SYT1: variants seen among roughly 807,000 people sequenced by gnomAD.
SYT1 encodes the protein synaptotagmin-1.
SYT1 carries 8 observed loss-of-function variants against 44.8 expected under a neutral mutation model. The ratio of observed to expected loss-of-function variants is 0.18; its 90% CI spans 0.10 to 0.32. The LOEUF is 0.32. Ranked by LOEUF, SYT1 falls within the 10% of genes least tolerant of loss-of-function variation. The pLI is 1.00. For missense variants in SYT1, 286 were observed against 509.3 expected (o/e 0.56, Z 4.22); for synonymous variants, 154 against 188.8 (o/e 0.82, Z 1.51).
chr12:79,410,322 A>G (rs1358244), intron 9 of SYT1, among the ~76,000 whole-genome samples: 20,639 of 151,922 alleles, frequency 0.14, 1,809 homozygotes, highest in Middle Eastern at 0.34. Context: ...TTGGAGTTCA[A>G]TACAGTTTTT....
intron 1 of SYT1, among the ~76,000 whole-genome samples, chr12:78,958,118 G>T (rs1468311697): frequency 6.6e-6 from 1 of 152,030 alleles, no homozygotes; most frequent in East Asian, 1.9e-4. Flanking sequence ...ATAAGATAAA[G>T]ATTTATCTCC....
chr12:79,344,590 C>T (rs1882524698), intron 8 of SYT1, among the ~76,000 whole-genome samples: 3 of 152,014 alleles, frequency 2.0e-5, no homozygotes, highest in South Asian at 4.2e-4. Context: ...GTAGCTGGGG[C>T]TATAGGCACG....
chr12:78,877,755 A>G (rs1055102552), intron 1 of SYT1, among the ~76,000 whole-genome samples: 10 of 151,674 alleles, frequency 6.6e-5, no homozygotes, highest in African/African-American at 2.4e-4. Context: ...CAGCTACCTG[A>G]GTAACTGAGA....
intron 3 of SYT1, among the ~76,000 whole-genome samples, chr12:79,101,031 A>T (rs1878416059): frequency 6.6e-6 from 1 of 152,150 alleles, no homozygotes; most frequent in Non-Finnish European, 1.5e-5. Flanking sequence ...TAATGAAATA[A>T]ATAAGATTAT....
At chr12:79,098,393 C>CA (rs1301170071) in intron 3 of SYT1, among the ~76,000 whole-genome samples, 2 of 151,928 alleles carry the variant, frequency 1.3e-5, no homozygotes, top group Non-Finnish European at 2.9e-5. Context: ...TGAAAAATCT[C>CA]AAAGTATTAG....
At chr12:79,192,179 G>A (rs1312690945) in intron 3 of SYT1, among the ~76,000 whole-genome samples, 3 of 152,142 alleles carry the variant, frequency 2.0e-5, no homozygotes, top group African/African-American at 7.2e-5. Flanking sequence ...GCAAGGACTA[G>A]GAGTGAGAAG....
At chr12:79,071,183 G>C (rs1242905750) in intron 3 of SYT1, among the ~76,000 whole-genome samples, 1 of 152,136 alleles carries the variant, frequency 6.6e-6, no homozygotes, top group African/African-American at 2.4e-5. Context: ...GTGTGTTTGA[G>C]AGCAACAGAT....
At chr12:79,081,289 C>G (rs568768428) in intron 3 of SYT1, among the ~76,000 whole-genome samples, 1 of 152,032 alleles carries the variant, frequency 6.6e-6, no homozygotes, top group South Asian at 2.1e-4. Flanking sequence ...TTTTAACGCT[C>G]ATGTATAAAA....
intron 5 of SYT1, chr12:79,291,704 T>C: frequency 2.1e-6 from 1 of 475,316 alleles, no homozygotes; most frequent in Non-Finnish European, 4.1e-6. Flanking sequence ...AGCAGTTTTA[T>C]CAGAGCCAAA....
intron 4 of SYT1, among the ~76,000 whole-genome samples, chr12:79,281,922 G>C (rs1278577755): frequency 6.6e-6 from 1 of 152,136 alleles, no homozygotes; most frequent in African/African-American, 2.4e-5. Flanking sequence ...CGTCAGCAGG[G>C]CCAATTCTCT....
chr12:78,957,594 G>C (rs1592604002), intron 1 of SYT1, among the ~76,000 whole-genome samples: 1 of 152,146 alleles, frequency 6.6e-6, no homozygotes, highest in Non-Finnish European at 1.5e-5. Flanking sequence ...GGAGAGTAGA[G>C]CCAAGGTTGG....
chr12:79,194,225 G>A (rs913001588), intron 3 of SYT1, among the ~76,000 whole-genome samples: 9 of 152,064 alleles, frequency 5.9e-5, no homozygotes, highest in African/African-American at 2.2e-4. Flanking sequence ...TTGGTTTGAA[G>A]TCTAAATGAA....
At chr12:79,346,305 T>C (rs1440431662) in intron 8 of SYT1, among the ~76,000 whole-genome samples, 1 of 152,208 alleles carries the variant, frequency 6.6e-6, no homozygotes, top group Non-Finnish European at 1.5e-5. Context: ...TTTGTGTCTA[T>C]TCAATGGCTG....
chr12:79,260,586 C>A (rs1290505496), intron 4 of SYT1, among the ~76,000 whole-genome samples: 3 of 152,094 alleles, frequency 2.0e-5, no homozygotes, highest in African/African-American at 7.2e-5. Flanking sequence ...TGATAGGAAG[C>A]AGTGAGGGTC....
chr12:79,068,449 A>C (rs1876028074), intron 3 of SYT1, among the ~76,000 whole-genome samples: 1 of 152,130 alleles, frequency 6.6e-6, no homozygotes, highest in African/African-American at 2.4e-5. Context: ...ACGTTGAAAA[A>C]ATACTCTGGG....
chr12:79,172,700 TTA>T (rs1181979571), intron 3 of SYT1, among the ~76,000 whole-genome samples: 1 of 151,630 alleles, frequency 6.6e-6, no homozygotes, highest in African/African-American at 2.4e-5. Flanking sequence ...TTCTAGTGAA[TTA>T]TAGTTATCTG....
At chr12:79,087,923 A>G (rs974270026) in intron 3 of SYT1, among the ~76,000 whole-genome samples, 3 of 152,110 alleles carry the variant, frequency 2.0e-5, no homozygotes, top group Middle Eastern at 3.4e-3. Flanking sequence ...ACACAAACTG[A>G]TATTCCTCTG....
intron 9 of SYT1, among the ~76,000 whole-genome samples, chr12:79,382,623 C>A (rs959791549): frequency 6.6e-6 from 1 of 152,026 alleles, no homozygotes; most frequent in African/African-American, 2.4e-5. Context: ...TACAAAAATG[C>A]GATAGTGTAC....
intron 1 of SYT1, among the ~76,000 whole-genome samples, chr12:78,868,101 C>T (rs139419618): frequency 1.7e-3 from 256 of 151,898 alleles, no homozygotes; most frequent in African/African-American, 5.8e-3. Context: ...GACAATTATA[C>T]GAGCCTGAAA....
Sources: gnomAD v4.1 joint callset for allele counts (sites outside exome capture counted in the v4.1 genomes callset) on GRCh38, gnomAD v4.1.1 for gene constraint, MANE v1.5 for transcripts, NCBI Gene and HGNC (gene_info 2026-07-23, HGNC 2026-07-21) for gene names.